The following KIAA1671 variants were observed in gnomAD, a reference collection of about 807,000 sequenced individuals.
KIAA1671 encodes KIAA1671.
A neutral mutation model predicts 131.2 loss-of-function variants in KIAA1671; 52 were observed. That is an observed-to-expected ratio of 0.40 (90% confidence interval 0.32 to 0.50). The LOEUF (loss-of-function observed/expected upper bound fraction) is 0.50, where lower values mean the gene tolerates loss of function less well. KIAA1671 is among the 20% of genes least tolerant of loss of function. The pLI is 0.73. For missense variants in KIAA1671, 2,360 were observed against 2,364.2 expected (o/e 1.00, Z 0.04); for synonymous variants, 1,003 against 961.6 (o/e 1.04, Z -0.80).
At position 24,960,828 on chromosome 22, in the gene KIAA1671, G is replaced by T. The variant is rs1232159518; in HGVS notation, c.-208+8056G>T. Among the ~76,000 whole-genome samples, 6 of 151,978 alleles carry T rather than the reference G, an allele frequency of 3.9e-5. No individual in the cohort carries two copies. The East Asian group carries it at 1.2e-3, about 29-fold the overall frequency. ...GACCTGCCCAATTTCCCAGCAGAGT[G>T]GCTATACCTTTCACACTCTTACCAC... On this transcript the variant is annotated intron_variant, in intron 1 of 12. Coordinates refer to ENST00000358431, the MANE Select transcript of KIAA1671 (RefSeq NM_001145206.2).
At chr22:24,998,243 A>C (rs1348698046) in intron 1 of KIAA1671, among the ~76,000 whole-genome samples, 1 of 152,066 alleles carries the variant, frequency 6.6e-6, no homozygotes, top group Non-Finnish European at 1.5e-5. Flanking sequence ...TCTACAAAAA[A>C]ATAAAACACA....
At chr22:25,168,930 T>C (rs917390951) in intron 6 of KIAA1671, among the ~76,000 whole-genome samples, 4 of 152,122 alleles carry the variant, frequency 2.6e-5, no homozygotes, top group Non-Finnish European at 5.9e-5. Flanking sequence ...CAAGGGGCCT[T>C]GGATTTCTAC....
At chr22:25,102,215 T>C (rs1006226931) in intron 6 of KIAA1671, among the ~76,000 whole-genome samples, 1 of 152,154 alleles carries the variant, frequency 6.6e-6, no homozygotes, top group African/African-American at 2.4e-5. Flanking sequence ...ATCATGCACA[T>C]TTCCTAGGAG....
intron 6 of KIAA1671, among the ~76,000 whole-genome samples, chr22:25,076,274 G>A (rs1184800105): frequency 6.6e-6 from 1 of 151,996 alleles, no homozygotes; most frequent in Non-Finnish European, 1.5e-5. Flanking sequence ...CCAATTCTTT[G>A]TGGTTGGAAA....
At chr22:25,035,572 A>G (rs1926543825) in intron 4 of KIAA1671, among the ~76,000 whole-genome samples, 1 of 152,152 alleles carries the variant, frequency 6.6e-6, no homozygotes, top group Non-Finnish European at 1.5e-5. Context: ...TTGCCCTGCA[A>G]GTTTTATTGT....
intron 1 of KIAA1671, among the ~76,000 whole-genome samples, chr22:25,021,455 C>T (rs959751721): frequency 1.3e-5 from 2 of 149,294 alleles, no homozygotes; most frequent in Non-Finnish European, 3.0e-5. Flanking sequence ...CATTCTGGAG[C>T]TTGTCCTTAC....
intron 1 of KIAA1671, among the ~76,000 whole-genome samples, chr22:24,968,089 A>G (rs1922401549): frequency 6.6e-6 from 1 of 152,196 alleles, no homozygotes; most frequent in Admixed American, 6.5e-5. Flanking sequence ...TTACTGTCAG[A>G]TTTAACTCGA....
At chr22:25,157,800 GT>G (rs11291943) in intron 6 of KIAA1671, among the ~76,000 whole-genome samples, 12,139 of 147,056 alleles carry the variant, frequency 0.083, 1,593 homozygotes, top group African/African-American at 0.28. Flanking sequence ...ACTGCACATA[GT>G]TTTTTTTTTT....
At chr22:24,953,990 T>C (rs1002902633) in intron 1 of KIAA1671, among the ~76,000 whole-genome samples, 1 of 152,112 alleles carries the variant, frequency 6.6e-6, no homozygotes, top group African/African-American at 2.4e-5. Flanking sequence ...TGGATCGGAA[T>C]GAAGGGTATG....
At chr22:25,191,009 A>AAGGTAG (rs1934656396) in intron 12 of KIAA1671, among the ~76,000 whole-genome samples, 1 of 152,106 alleles carries the variant, frequency 6.6e-6, no homozygotes, top group Non-Finnish European at 1.5e-5. Flanking sequence ...GAGTGGGTGA[A>AAGGTAG]AGGTACCAGG....
intron 1 of KIAA1671, chr22:25,023,995 T>C (rs1018041129): frequency 1.3e-5 from 2 of 152,182 alleles, no homozygotes; most frequent in Non-Finnish European, 2.9e-5. Flanking sequence ...GTTCATTGAT[T>C]TATTAATTCA....
chr22:25,162,070 C>T (rs1304517961), intron 6 of KIAA1671, among the ~76,000 whole-genome samples: 2 of 152,206 alleles, frequency 1.3e-5, no homozygotes, highest in Non-Finnish European at 2.9e-5. Context: ...CAGATCGACT[C>T]CCTGGGCCTC....
intron 6 of KIAA1671, chr22:25,060,832 G>GTTT (rs10692296): frequency 0.45 from 68,892 of 151,818 alleles, 16,971 homozygotes; most frequent in African/African-American, 0.66. Flanking sequence ...TCCACATTTC[G>GTTT]TTAATTTGCT....
intron 6 of KIAA1671, among the ~76,000 whole-genome samples, chr22:25,117,358 G>C (rs1452487859): frequency 6.6e-6 from 1 of 152,034 alleles, no homozygotes; most frequent in African/African-American, 2.4e-5. Flanking sequence ...ACAGAGAGGG[G>C]AAGTCACAGG....
At chr22:25,006,876 G>A (rs918330422) in intron 1 of KIAA1671, among the ~76,000 whole-genome samples, 5 of 152,152 alleles carry the variant, frequency 3.3e-5, no homozygotes, top group Non-Finnish European at 5.9e-5. Context: ...AGAGAATCCA[G>A]GATAATCTTC....
intron 1 of KIAA1671, among the ~76,000 whole-genome samples, chr22:24,963,364 C>CAAAAA (rs766667437): frequency 4.3e-5 from 2 of 46,636 alleles, no homozygotes; most frequent in Non-Finnish European, 8.4e-5. Context: ...AACTCCATCT[C>CAAAAA]AAAAAAAAAA....
At chr22:25,003,400 A>ATTTTTT (rs71191013) in intron 1 of KIAA1671, among the ~76,000 whole-genome samples, 11 of 113,844 alleles carry the variant, frequency 9.7e-5, no homozygotes, top group African/African-American at 4.2e-4. Flanking sequence ...ACTTGGAGAG[A>ATTTTTT]TTTTTTTTTT....
rs1046773641 is a variant in KIAA1671, at chr22:25,029,084, C to T, written c.1085C>T (p.Pro362Leu). ...CGGAAGGAGAAGATGCTTTCGAAGC[C>T]GGAGATGGGCAGCCCCAGAGCCCTG... ...RERKEKMLSKPEMGSPRALVG... is the reference protein window; with the variant it reads ...RERKEKMLSKLEMGSPRALVG... The change falls in exon 3 of 13, where the codon CCG becomes CTG. Residue 362 changes from proline to leucine, a missense_variant. Physicochemically the swap from Pro to Leu is moderately conservative, Grantham distance 98. This residue lies in a region of KIAA1671 where 1,185 missense variants were observed against 1,126.2 expected (regional missense o/e 1.05). Transcript: ENST00000358431. 4.1e-5 allele frequency: 62 copies of T among 1,494,308 alleles called. No individual in the cohort carries two copies. The East Asian group carries it at 1.2e-3, about 29-fold the overall frequency. 92.6% of individuals were successfully genotyped at this position (1,494,308 alleles called of 1,614,324 possible). A position where few individuals can be genotyped will look rare whatever the true frequency, so the allele number is the denominator to read the frequency against.
rs57822676 is a variant in KIAA1671, at chr22:25,156,012, CTTTTTTTT to C, written c.4531-14788_4531-14781del. Reference sequence around the variant, plus strand: ...TTTTGTGCATGTATGTGTGTATGTGCTTTTTTTTTTTTTTTTTTTTTTTTTTTGAGATG... The same window carrying C: ...TTTTGTGCATGTATGTGTGTATGTGCTTTTTTTTTTTTTTTTTTTGAGATG... On this transcript the variant is annotated intron_variant, in intron 6 of 12. Transcript: ENST00000358431. Among the ~76,000 whole-genome samples, 8 of 35,344 alleles carry C rather than the reference CTTTTTTTT, an allele frequency of 2.3e-4. No homozygotes were observed. The South Asian group carries it at 4.8e-3, about 21-fold the overall frequency. The allele number at this position is 35,344 out of a possible 152,430, so 23.2% of individuals were successfully genotyped here.
Sources: allele counts gnomAD v4.1 joint callset (sites outside exome capture counted in the v4.1 genomes callset), GRCh38; gene constraint gnomAD v4.1.1; regional missense constraint gnomAD v4.1.1; transcripts MANE v1.5; gene names NCBI Gene and HGNC (gene_info 2026-07-23, HGNC 2026-07-21).